SSPN: variants seen among roughly 807,000 people sequenced by gnomAD.
SSPN encodes sarcospan, also known as K-ras oncogene-associated protein.
Under a neutral mutation model 19.1 loss-of-function variants are expected in SSPN, and 15 were observed. The ratio of observed to expected loss-of-function variants is 0.78; its 90% CI spans 0.52 to 1.21. The LOEUF (loss-of-function observed/expected upper bound fraction) is 1.21, where lower values mean the gene tolerates loss of function less well. SSPN is among the 50% of genes most tolerant of loss of function. The pLI, the probability that SSPN is intolerant of heterozygous loss-of-function variation, is 0.00. For missense variants in SSPN, 291 were observed against 314.0 expected, an observed-to-expected ratio of 0.93 and a Z score of 0.55; for synonymous variants, 147 against 140.3, an observed-to-expected ratio of 1.05 and a Z score of -0.34.
In SSPN at chr12:26,195,641, G is replaced by GCTGGGCCCC; in HGVS notation, c.-31_-30insTGGGCCCCC. The GCTGGGCCCC allele has an allele frequency of 5.4e-6, 6 of 1,105,396 alleles. No individual in the cohort carries two copies. The highest frequency in any genetic ancestry group is 1.7e-5 in the African/African-American group (1 of 60,322). 68.5% of individuals were successfully genotyped at this position (1,105,396 alleles called of 1,614,324 possible). A position where few individuals can be genotyped will look rare whatever the true frequency, so the allele number is the denominator to read the frequency against. On this transcript the variant is annotated 5_prime_UTR_variant, in exon 1 of 3. Coordinates refer to ENST00000242729, the MANE Select transcript of SSPN (RefSeq NM_005086.5). The stretch of plus-strand genomic sequence containing the variant: ...CTCCAGGGCCCAGGGCGCCGCACAC[G>GCTGGGCCCC]CACCCACCCACCCACCCAGCCTCGC...
rs1264475802 is a variant in SSPN, at chr12:26,182,754, T to C, written c.-30-41539T>C. Among the ~76,000 whole-genome samples, 6 of 136,820 alleles carry C rather than the reference T, an allele frequency of 4.4e-5. No individual in the cohort carries two copies. In the East Asian group the frequency reaches 1.1e-3, roughly 25 times the overall value. The allele number at this position is 136,820 out of a possible 152,430, so 89.8% of individuals were successfully genotyped here. ...AGGCTTTTAAATATGTGGAGTCTTT[T>C]AAAAGTACATACTTTTTTTTTTTTT... On this transcript the variant is annotated intron_variant, in intron 1 of 2. Coordinates refer to the SSPN transcript ENST00000538142.
intron 1 of SSPN, among the ~76,000 whole-genome samples, chr12:26,217,779 G>A (rs1400758723): frequency 6.6e-6 from 1 of 151,470 alleles, no homozygotes; most frequent in Non-Finnish European, 1.5e-5. Flanking sequence ...AGAGTTTTTA[G>A]CATGAAAGGT....
chr12:26,135,828 C>T (rs894966094), intron 1 of SSPN, among the ~76,000 whole-genome samples: 1 of 152,136 alleles, frequency 6.6e-6, no homozygotes, highest in African/African-American at 2.4e-5. Context: ...CAGTGGTGAT[C>T]CAGCTGAGAT....
At chr12:26,148,023 G>A (rs1213317471) in intron 1 of SSPN, among the ~76,000 whole-genome samples, 1 of 152,104 alleles carries the variant, frequency 6.6e-6, no homozygotes, top group Non-Finnish European at 1.5e-5. Context: ...AGACATGGCC[G>A]GGGATTTTTA....
intron 1 of SSPN, among the ~76,000 whole-genome samples, chr12:26,129,594 T>C (rs1373560337): frequency 1.3e-5 from 2 of 152,202 alleles, no homozygotes; most frequent in African/African-American, 2.4e-5. Context: ...GAATAGAAGA[T>C]TGGGTTTTCC....
Position 26,232,400 on chromosome 12 carries a change from G to A in SSPN, c.*1324G>A, listed in dbSNP as rs1213171939. ...TATTGTTGCTATTAAATTCTGAACT[G>A]TATCCATATTTTAAGGAAGGAGCTA... On this transcript the variant is annotated 3_prime_UTR_variant, in exon 3 of 3. Coordinates refer to ENST00000242729, the MANE Select transcript of SSPN (RefSeq NM_005086.5). 1.0e-6 allele frequency: 1 copy of A among 985,236 alleles called. No individual in the cohort carries two copies. Among genetic ancestry groups the A allele is most frequent in the African/African-American group, 1.7e-5 (1 of 57,220 alleles). 61.0% of individuals were successfully genotyped at this position (985,236 alleles called of 1,614,324 possible).
intron 1 of SSPN, among the ~76,000 whole-genome samples, chr12:26,203,795 G>T (rs1944906440): frequency 6.6e-6 from 1 of 152,136 alleles, no homozygotes; most frequent in African/African-American, 2.4e-5. Flanking sequence ...CCAAGATCAG[G>T]GTGTCAACAT....
At chr12:26,195,442 G>C (rs1944817095), upstream of SSPN, 2 of 712,574 alleles carry the variant, frequency 2.8e-6, no homozygotes, top group Non-Finnish European at 1.9e-6. Flanking sequence ...CCCGGGGCCC[G>C]GCAGGCGCTG....
intron 1 of SSPN, among the ~76,000 whole-genome samples, chr12:26,150,605 T>G (rs187386453): frequency 1.3e-3 from 117 of 92,168 alleles, no homozygotes; most frequent in Admixed American, 4.6e-3. Flanking sequence ...CCTTGTACAT[T>G]TTTAATTTGG....
chr12:26,136,823 C>T (rs1457396127), intron 1 of SSPN, among the ~76,000 whole-genome samples: 1 of 152,186 alleles, frequency 6.6e-6, no homozygotes, highest in African/African-American at 2.4e-5. Flanking sequence ...ACAACCTTAT[C>T]CTTTTAAATC....
chr12:26,175,144 A>C (rs1201752639), intron 1 of SSPN, among the ~76,000 whole-genome samples: 2 of 152,252 alleles, frequency 1.3e-5, no homozygotes, highest in African/African-American at 4.8e-5. Flanking sequence ...AAGTGGGTGT[A>C]GCATTTTGTA....
In SSPN at chr12:26,220,091, C is replaced by T. The variant is rs562188615; in HGVS notation, c.280-4202C>T. On this transcript the variant is annotated intron_variant, in intron 1 of 2. Coordinates refer to ENST00000242729, the MANE Select transcript of SSPN (RefSeq NM_005086.5). ...CGTCCTGCCAACTCAGGAGACAAAA[C>T]CATTAGTCTACCATGAGAAATCTGG... 2.6e-5 allele frequency among the ~76,000 whole-genome samples: 4 copies of T among 152,190 alleles called. No homozygotes were observed. The East Asian group carries it at 5.8e-4, about 22-fold the overall frequency.
chr12:26,203,369 C>T (rs1472995855), intron 1 of SSPN, among the ~76,000 whole-genome samples: 1 of 152,184 alleles, frequency 6.6e-6, no homozygotes. Context: ...ATAGTTTAAC[C>T]TTCCAGTTAT....
rs1945089987 is a variant in SSPN, at chr12:26,218,987, T to C, written c.280-5306T>C. On this transcript the variant is annotated intron_variant, in intron 1 of 2. Transcript: ENST00000242729. ...AACATGAGAAGAGAGTTCATCTTGT[T>C]ACTATATTGATTGGATTAAAGCACT... 2.0e-5 allele frequency among the ~76,000 whole-genome samples: 3 copies of C among 152,224 alleles called. No homozygotes were observed. In the South Asian group the frequency reaches 6.2e-4, roughly 31 times the overall value.
chr12:26,122,638 GGCC>G, intron 1 of SSPN: 2 of 1,304,244 alleles, frequency 1.5e-6, no homozygotes, highest in Non-Finnish European at 1.9e-6. Flanking sequence ...CCGCCCCCCG[GGCC>G]GCCGCCGCTG....
chr12:26,213,486 A>G lies in SSPN; in HGVS notation c.280-10807A>G, dbSNP rs1231952368. On this transcript the variant is annotated intron_variant, in intron 1 of 2. Coordinates refer to ENST00000242729, the MANE Select transcript of SSPN (RefSeq NM_005086.5). ...TTCACTAGACCCAGAGCTAACATGC[A>G]TGCACCACCTTGTTCTCTGTCTTTA... 2.0e-5 allele frequency among the ~76,000 whole-genome samples: 3 copies of G among 151,810 alleles called. No individual in the cohort carries two copies. In the East Asian group the frequency reaches 5.8e-4, roughly 29 times the overall value.
intron 1 of SSPN, among the ~76,000 whole-genome samples, chr12:26,201,047 T>TATATATATATATAAA (rs1565685553): frequency 1.4e-4 from 7 of 51,002 alleles, no homozygotes; most frequent in East Asian, 6.9e-4. Context: ...ATATATATAT[T>TATATATATATATAAA]ATATATATAT....
At position 26,150,343 on chromosome 12, in the gene SSPN, A is replaced by G. The variant is rs78447864; in HGVS notation, c.-31+28191A>G. ...TCAGTAAAAGGTTTCGCTAATGTGTATGCGATGCCCTCCCAAGTATGGCAT... is the reference window on the plus strand; with the variant it reads ...TCAGTAAAAGGTTTCGCTAATGTGTGTGCGATGCCCTCCCAAGTATGGCAT... On this transcript the variant is annotated intron_variant, in intron 1 of 2. Coordinates refer to the SSPN transcript ENST00000538142. Among the ~76,000 whole-genome samples, 160 of 152,346 alleles carry G rather than the reference A, an allele frequency of 1.1e-3. 2 individuals carry two copies. The East Asian group carries it at 0.03, about 29-fold the overall frequency.
intron 1 of SSPN, among the ~76,000 whole-genome samples, chr12:26,146,218 A>C (rs1337493855): frequency 6.6e-6 from 1 of 152,122 alleles, no homozygotes; most frequent in Non-Finnish European, 1.5e-5. Context: ...TCTCCTCCAG[A>C]GTGTGCAACC....
Sources: gnomAD v4.1 joint callset for allele counts (sites outside exome capture counted in the v4.1 genomes callset) on GRCh38, gnomAD v4.1.1 for gene constraint, MANE v1.5 for transcripts, NCBI Gene and HGNC (gene_info 2026-07-23, HGNC 2026-07-21) for gene names.